SI: variants seen among roughly 807,000 people sequenced by gnomAD.
SI encodes sucrase-isomaltase, intestinal.
Under a neutral mutation model 253.3 loss-of-function variants are expected in SI, and 235 were observed. The observed-to-expected ratio is 0.93, with a 90% CI of 0.83 to 1.03. The LOEUF (loss-of-function observed/expected upper bound fraction) is 1.03, where lower values mean the gene tolerates loss of function less well. Among genes scored for constraint, SI ranks in the 50% least tolerant of loss-of-function variants. SI has a pLI of 0.00. For missense variants in SI, 2,442 were observed against 2,211.1 expected (o/e 1.10, Z -2.09); for synonymous variants, 819 against 712.0 (o/e 1.15, Z -2.39).
chr3:165,012,944 T>C (rs753665911), intron 34 of SI, 36 bp downstream of exon 34: 36 of 1,303,612 alleles, frequency 2.8e-5, no homozygotes, highest in Non-Finnish European at 3.8e-5. Context: ...GTTTTGAATT[T>C]CTTCTCATTG....
At chr3:165,059,369 T>G in intron 10 of SI, 70 bp from the exon 11 acceptor site, 1 of 1,415,310 alleles carries the variant, frequency 7.1e-7, no homozygotes, top group East Asian at 2.3e-5. Context: ...AATCTTTAAC[T>G]CCATTGAACG....
intron 44 of SI, among the ~76,000 whole-genome samples, chr3:164,990,963 G>A (rs1717705754): frequency 6.6e-6 from 1 of 151,558 alleles, no homozygotes; most frequent in Non-Finnish European, 1.5e-5. Context: ...TATTTCTTTT[G>A]ACTGTCCAAT....
At chr3:165,006,372 A>T (rs1027989133) in intron 37 of SI, among the ~76,000 whole-genome samples, 9 of 152,194 alleles carry the variant, frequency 5.9e-5, no homozygotes, top group Admixed American at 2.6e-4. Context: ...AGCCTCCCAA[A>T]GTGCTGGGAT....
At chr3:165,061,596 G>A (rs573033849) in intron 9 of SI, among the ~76,000 whole-genome samples, 1 of 151,750 alleles carries the variant, frequency 6.6e-6, no homozygotes, top group Admixed American at 6.6e-5. Flanking sequence ...TATGTCAAAA[G>A]GTATATCAAG....
chr3:164,991,661 T>C (rs1387801165), intron 43 of SI, among the ~76,000 whole-genome samples, 184 bp from the exon 44 acceptor site: 1 of 152,158 alleles, frequency 6.6e-6, no homozygotes, highest in African/African-American at 2.4e-5. Context: ...ATATATCTCA[T>C]AACATGATGT....
At chr3:165,047,383 G>A (rs963842386) in intron 15 of SI, among the ~76,000 whole-genome samples, 9 of 152,162 alleles carry the variant, frequency 5.9e-5, no homozygotes, top group Non-Finnish European at 1.0e-4. Context: ...CCCCAGCCAT[G>A]TGGAACTGTA....
chr3:165,055,342 A>T, intron 12 of SI, 35 bp from the exon 13 acceptor site: 1 of 1,067,898 alleles, frequency 9.4e-7, no homozygotes, highest in Admixed American at 1.8e-5. Flanking sequence ...TATACATAAA[A>T]AATAGAAAAA....
rs59796544 is a variant in SI, at chr3:165,073,170, T to TTCTCTCTCTC, written c.255+1351_255+1360dup. ...GAATTCTATGTTTAGCTTCAATCATTTCTCTCTCTCTCTCTCTCTCTCTCT... is the reference window on the plus strand; with the variant it reads ...GAATTCTATGTTTAGCTTCAATCATTTCTCTCTCTCTCTCTCTCTCTCTCTCTCTCTCTCT... On this transcript the variant is annotated intron_variant, in intron 3 of 47. Transcript: ENST00000264382. Among the ~76,000 whole-genome samples, 8 of 132,032 alleles carry TTCTCTCTCTC rather than the reference T, an allele frequency of 6.1e-5. No homozygotes were observed. The South Asian group carries it at 1.0e-3, about 17-fold the overall frequency. The allele number at this position is 132,032 out of a possible 152,430, so 86.6% of individuals were successfully genotyped here.
chr3:165,019,716 C>A lies in SI; in HGVS notation c.3309G>T (p.Ser1103=), dbSNP rs765589827. The change falls in exon 28 of 48, where the codon TCG becomes TCT. Residue 1103 remains serine, a synonymous_variant. Transcript: ENST00000264382. ...ATATATATTCTGATGGCAGGCGAGT[C>A]GATATTTGAATGAACTGGTCATTAA... The part of the protein sequence containing the change: ...FAFNDQFIQI[S]TRLPSEYIYG... The A allele has an allele frequency of 1.2e-6, 2 of 1,612,450 alleles. No homozygotes were observed. The highest frequency in any genetic ancestry group is 2.2e-5 in the South Asian group (2 of 91,052).
In SI at chr3:165,032,672, G is replaced by A; in HGVS notation, c.2586C>T (p.Cys862=). ...TTCCTTCCTGATATGATGAATGTGTGCACACAATATCTAATGTGTTCTGAG... is the reference window on the plus strand; with the variant it reads ...TTCCTTCCTGATATGATGAATGTGTACACACAATATCTAATGTGTTCTGAG... The part of the protein sequence containing the change: ...SVSNNTLDIV[C]THSSYQEGTT... The change falls in exon 24 of 48, where the codon TGC becomes TGT. Residue 862 remains cysteine, a synonymous_variant. Transcript: ENST00000264382. The A allele has an allele frequency of 4.4e-6, 7 of 1,602,862 alleles. No individual in the cohort carries two copies. The highest frequency in any genetic ancestry group is 5.1e-6 in the Non-Finnish European group (6 of 1,171,492).
At chr3:165,045,779 TG>T (rs1371179781) in intron 16 of SI, among the ~76,000 whole-genome samples, 14 of 92,014 alleles carry the variant, frequency 1.5e-4, no homozygotes, top group African/African-American at 5.0e-4. Flanking sequence ...ATTCTTAGGT[TG>T]TTTTTTTTTT....
In SI at chr3:165,017,754, A is replaced by G. The variant is rs777324632; in HGVS notation, c.3633+7T>C. 3.1e-6 allele frequency: 5 copies of G among 1,603,276 alleles called. No homozygotes were observed. The highest frequency in any genetic ancestry group is 2.2e-5 in the East Asian group (1 of 44,550). On this transcript the variant is annotated splice_region_variant and intron_variant, in intron 30 of 47. Transcript: ENST00000264382. ...TTAATTTTTTTAAAAGAAATATGCA[A>G]TCATACTTCATGGTATTGCTTTGTT...
Position 165,055,183 on chromosome 3 carries a change from T to C in SI, c.1512+11A>G, listed in dbSNP as rs1713635857. 4 of 1,490,630 alleles carry C rather than the reference T, an allele frequency of 2.7e-6. No homozygotes were observed. Among genetic ancestry groups the C allele is most frequent in the South Asian group, 1.1e-5 (1 of 88,564 alleles). 92.3% of individuals were successfully genotyped at this position (1,490,630 alleles called of 1,614,324 possible). On this transcript the variant is annotated intron_variant, in intron 13 of 47. Transcript: ENST00000264382. ...ATTGACCAAAACCATTGGTTTAAAATAGCTACTTACAATCCAAAGTCCATC... is the reference window on the plus strand; with the variant it reads ...ATTGACCAAAACCATTGGTTTAAAACAGCTACTTACAATCCAAAGTCCATC...
intron 34 of SI, among the ~76,000 whole-genome samples, chr3:165,011,177 T>G (rs1050549172): frequency 1.3e-5 from 2 of 152,186 alleles, no homozygotes; most frequent in African/African-American, 2.4e-5. Context: ...TTATTCTTTT[T>G]CTAATTCATT....
chr3:165,052,653 T>A (rs1298789942), intron 13 of SI, among the ~76,000 whole-genome samples: 1 of 151,614 alleles, frequency 6.6e-6, no homozygotes. Context: ...CAAGACTTAG[T>A]CTCAAAAAAC....
intron 22 of SI, among the ~76,000 whole-genome samples, chr3:165,034,039 T>G (rs557648536): frequency 6.6e-6 from 1 of 151,826 alleles, no homozygotes; most frequent in East Asian, 1.9e-4. Flanking sequence ...AGATAAGGAC[T>G]GAAATAGTTT....
In SI at chr3:165,023,556, T is replaced by C. The variant is rs1402356455; in HGVS notation, c.3099+14A>G. ...AGATGAGTTAAGCTTTGGGGTAGTT[T>C]ATATCAAGCATACCTTAAACTGCAA... On this transcript the variant is annotated intron_variant, in intron 26 of 47. Transcript: ENST00000264382. 1 of 1,591,142 alleles carries C rather than the reference T, an allele frequency of 6.3e-7. No homozygotes were observed. The highest frequency in any genetic ancestry group is 1.1e-5 in the South Asian group (1 of 90,644).
chr3:165,074,285 T>A, intron 3 of SI: 1 of 214,198 alleles, frequency 4.7e-6, no homozygotes, highest in Middle Eastern at 1.8e-3. Context: ...ATTTGTAAAA[T>A]TAACTATAAC....
At position 165,046,893 on chromosome 3, in the gene SI, A is replaced by G; in HGVS notation, c.1835T>C (p.Met612Thr). 6.2e-7 allele frequency: 1 copy of G among 1,613,292 alleles called. No individual in the cohort carries two copies. The highest frequency in any genetic ancestry group is 1.1e-5 in the South Asian group (1 of 91,024). Residue 612 changes from methionine (M) to threonine (T), a missense_variant, in exon 16 of 48, where the codon ATG becomes ACG. Physicochemically the swap from Met to Thr is moderately conservative, Grantham distance 81. Transcript: ENST00000264382. Reference sequence around the variant, plus strand: ...CAGCATTCCAGTTATAGACCATTCCATTTGTTCCCATGAAGCAGTATTGTC... The same window carrying G: ...CAGCATTCCAGTTATAGACCATTCCGTTTGTTCCCATGAAGCAGTATTGTC... ...LGDNTASWEQMEWSITGMLEF... is the reference protein window; with the variant it reads ...LGDNTASWEQTEWSITGMLEF...
Sources: allele counts gnomAD v4.1 joint callset (sites outside exome capture counted in the v4.1 genomes callset), GRCh38; gene constraint gnomAD v4.1.1; transcripts MANE v1.5; gene names NCBI Gene and HGNC (gene_info 2026-07-23, HGNC 2026-07-21).